The following EML4 variants were observed in gnomAD, a reference collection of about 807,000 sequenced individuals.
EML4 encodes EMAP like 4.
Under a neutral mutation model 129.0 loss-of-function variants are expected in EML4, and 72 were observed. The observed-to-expected ratio is 0.56, with a 90% CI of 0.46 to 0.68. The LOEUF (loss-of-function observed/expected upper bound fraction) is 0.68. EML4 is among the 30% of genes least tolerant of loss of function. EML4 has a pLI of 0.00. For synonymous variants in EML4, 532 were observed against 405.0 expected, an observed-to-expected ratio of 1.31 and a Z score of -3.77; for missense variants, 1,363 against 1,190.6, an observed-to-expected ratio of 1.14 and a Z score of -2.13.
chr2:42,278,930 C>T (rs962279763), intron 6 of EML4, among the ~76,000 whole-genome samples: 1 of 97,320 alleles, frequency 1.0e-5, no homozygotes, highest in Non-Finnish European at 2.0e-5. Flanking sequence ...GAGCGAAACT[C>T]TCTTGGAAAA....
intron 2 of EML4, among the ~76,000 whole-genome samples, chr2:42,251,561 AGAT>A (rs1558541266): frequency 6.6e-6 from 1 of 152,252 alleles, no homozygotes; most frequent in Non-Finnish European, 1.5e-5. Flanking sequence ...CAAATGGAGA[AGAT>A]AGAATTTGAT....
At chr2:42,239,584 C>CT (rs562363080) in intron 1 of EML4, among the ~76,000 whole-genome samples, 23 of 152,070 alleles carry the variant, frequency 1.5e-4, no homozygotes, top group African/African-American at 5.6e-4. Context: ...TCATTCTTTA[C>CT]TTTTTTTCTT....
At chr2:42,264,965 A>G (rs1377364599) in intron 6 of EML4, 10 of 1,549,010 alleles carry the variant, frequency 6.5e-6, no homozygotes, top group Admixed American at 4.0e-5. Context: ...AGAATAAGCT[A>G]CGCAGTTGGT....
chr2:42,177,255 T>C (rs1670658479), intron 1 of EML4, among the ~76,000 whole-genome samples: 1 of 125,194 alleles, frequency 8.0e-6, no homozygotes, highest in Admixed American at 9.6e-5. Context: ...CTTTCATACC[T>C]CTTTTTTTTT....
At chr2:42,237,525 C>A (rs770993103) in intron 1 of EML4, among the ~76,000 whole-genome samples, 1 of 151,998 alleles carries the variant, frequency 6.6e-6, no homozygotes, top group African/African-American at 2.4e-5. Flanking sequence ...ATATGGTTCA[C>A]CCTTGAATAA....
chr2:42,285,841 C>T (rs1052679447), intron 9 of EML4: 15 of 175,388 alleles, frequency 8.6e-5, no homozygotes, highest in Admixed American at 1.7e-4. Flanking sequence ...CCTCATGATC[C>T]GCCCGCCTCG....
At chr2:42,211,968 C>G (rs1672911253) in intron 1 of EML4, among the ~76,000 whole-genome samples, 1 of 152,090 alleles carries the variant, frequency 6.6e-6, no homozygotes. Flanking sequence ...CGTCAGCCCC[C>G]CAAGTAGCTA....
chr2:42,189,635 A>G (rs903832340), intron 1 of EML4, among the ~76,000 whole-genome samples: 10 of 152,312 alleles, frequency 6.6e-5, no homozygotes, highest in African/African-American at 1.9e-4. Context: ...TTCACTAACA[A>G]TCTTAGGAAT....
intron 1 of EML4, chr2:42,207,819 G>A (rs1672651299): frequency 1.3e-5 from 2 of 152,146 alleles, no homozygotes; most frequent in Non-Finnish European, 2.9e-5. Flanking sequence ...ATTCACCTTT[G>A]CTTCACTGAT....
intron 1 of EML4, among the ~76,000 whole-genome samples, chr2:42,182,139 T>C (rs1371523458): frequency 6.7e-6 from 1 of 149,750 alleles, no homozygotes; most frequent in Non-Finnish European, 1.5e-5. Flanking sequence ...TTTTTTTTTT[T>C]TTATGTAGAA....
In EML4 at chr2:42,331,092, TTCA is replaced by T. The variant is rs1291069775; in HGVS notation, c.*890_*892del. 4.6e-6 allele frequency: 1 copy of T among 217,972 alleles called. No individual in the cohort carries two copies. Among genetic ancestry groups the T allele is most frequent in the East Asian group, 6.8e-5 (1 of 14,644 alleles). The allele number at this position is 217,972 out of a possible 1,614,324, so 13.5% of individuals were successfully genotyped here. A position where few individuals can be genotyped will look rare whatever the true frequency, so the allele number is the denominator to read the frequency against. ...TTACCTGGCTAATTTCAGCTAAGCCTTCATCATAATTTGTTCCCTCAGTAATAG... is the reference window on the plus strand; with the variant it reads ...TTACCTGGCTAATTTCAGCTAAGCCTTCATAATTTGTTCCCTCAGTAATAG... On this transcript the variant is annotated 3_prime_UTR_variant, in exon 23 of 23. Coordinates refer to ENST00000318522, the MANE Select transcript of EML4 (RefSeq NM_019063.5).
intron 14 of EML4, among the ~76,000 whole-genome samples, chr2:42,301,820 G>C (rs1285386362): frequency 6.6e-6 from 1 of 151,948 alleles, no homozygotes; most frequent in Non-Finnish European, 1.5e-5. Context: ...AGATAATAAA[G>C]AGTTGCTTAA....
At chr2:42,268,251 C>G (rs958168158) in intron 6 of EML4, among the ~76,000 whole-genome samples, 1 of 151,968 alleles carries the variant, frequency 6.6e-6, no homozygotes, top group Non-Finnish European at 1.5e-5. Flanking sequence ...CTAAACAATA[C>G]AATATAACAA....
chr2:42,301,054 A>G (rs1668257834), intron 13 of EML4, among the ~76,000 whole-genome samples, 187 bp from the exon 14 acceptor site: 1 of 152,228 alleles, frequency 6.6e-6, no homozygotes, highest in African/African-American at 2.4e-5. Flanking sequence ...GAAATGCAAA[A>G]GATTGTATTA....
At chr2:42,269,387 A>G (rs6704975) in intron 6 of EML4, among the ~76,000 whole-genome samples, 3,522 of 152,302 alleles carry the variant, frequency 0.023, 126 homozygotes, top group African/African-American at 0.08. Context: ...CATTTTATAC[A>G]TTCATTCATT....
chr2:42,262,106 A>C (rs1665771542), intron 4 of EML4, among the ~76,000 whole-genome samples: 1 of 152,060 alleles, frequency 6.6e-6, no homozygotes, highest in African/African-American at 2.4e-5. Context: ...GAAACTATTA[A>C]ACCATTTCCA....
At chr2:42,279,690 G>A (rs1430444770) in intron 6 of EML4, among the ~76,000 whole-genome samples, 1 of 151,810 alleles carries the variant, frequency 6.6e-6, no homozygotes, top group Non-Finnish European at 1.5e-5. Flanking sequence ...TAGCCACGAT[G>A]GTCTCAATCT....
intron 17 of EML4, among the ~76,000 whole-genome samples, chr2:42,305,638 A>AT (rs1481273409): frequency 2.6e-5 from 4 of 152,218 alleles, no homozygotes; most frequent in African/African-American, 9.6e-5. Flanking sequence ...TATGATTTAT[A>AT]TATCTTTAAT....
intron 17 of EML4, among the ~76,000 whole-genome samples, chr2:42,308,869 A>T (rs1202416079): frequency 6.6e-6 from 1 of 152,088 alleles, no homozygotes; most frequent in Middle Eastern, 3.2e-3. Context: ...AGCTTCTTTC[A>T]CTTAATGTTT....
Sources: gnomAD v4.1 joint callset for allele counts (sites outside exome capture counted in the v4.1 genomes callset) on GRCh38, gnomAD v4.1.1 for gene constraint, MANE v1.5 for transcripts, NCBI Gene and HGNC (gene_info 2026-07-23, HGNC 2026-07-21) for gene names.